Variants in HERC1 observed in about 807,000 individuals in gnomAD.
HERC1 encodes HECT and RLD domain containing E3 ubiquitin protein ligase family member 1, also known as probable E3 ubiquitin-protein ligase HERC1.
Under a neutral mutation model 554.3 loss-of-function variants are expected in HERC1, and 160 were observed. The ratio of observed to expected loss-of-function variants is 0.29; its 90% CI spans 0.25 to 0.33. HERC1 has a LOEUF of 0.33. HERC1 is among the 10% of genes least tolerant of loss of function. The probability of loss-of-function intolerance (pLI) is 1.00; values close to 1 mark genes in which losing one functional copy is unlikely to be tolerated. For missense variants in HERC1, 4,919 were observed against 5,918.5 expected (o/e 0.83, Z 5.54); for synonymous variants, 2,175 against 2,131.7 (o/e 1.02, Z -0.56).
intron 1 of HERC1, among the ~76,000 whole-genome samples, chr15:63,780,912 T>C (rs1312169182): frequency 6.6e-6 from 1 of 152,192 alleles, no homozygotes; most frequent in African/African-American, 2.4e-5. Context: ...ATCTCTGCTA[T>C]AAATTAAATG....
At chr15:63,673,965 T>A (rs2071067990) in intron 38 of HERC1, among the ~76,000 whole-genome samples, 2 of 152,210 alleles carry the variant, frequency 1.3e-5, no homozygotes. Flanking sequence ...CCTCAAGTGA[T>A]CTGCCCACCT....
rs865792846 is a variant in HERC1, at chr15:63,729,379, A to G, written c.3022-11T>C. On this transcript the variant is annotated splice_polypyrimidine_tract_variant and intron_variant, in intron 15 of 77. Transcript: ENST00000443617. ...CACACTGCTTGAGTTCTAAGAAGAA[A>G]AAAAGTTCCTAAATTACTACTTTGA... The G allele has an allele frequency of 1.1e-5, 18 of 1,592,188 alleles. 1 individual carries two copies. In the Middle Eastern group the frequency reaches 2.9e-3, roughly 253 times the overall value.
intron 74 of HERC1, among the ~76,000 whole-genome samples, chr15:63,618,818 ATGTT>A (rs1327707833): frequency 6.6e-6 from 1 of 152,192 alleles, no homozygotes; most frequent in Admixed American, 6.5e-5. Flanking sequence ...GTGTATAAGA[ATGTT>A]TGTGATTTTT....
chr15:63,690,501 A>G, intron 32 of HERC1, 40 bp downstream of exon 32: 2 of 1,375,740 alleles, frequency 1.5e-6, no homozygotes, highest in Non-Finnish European at 2.1e-6. Context: ...TCATTTTGCA[A>G]ATATGGAAAA....
At chr15:63,644,561 TTA>T (rs1299212696) in intron 57 of HERC1, among the ~76,000 whole-genome samples, 1 of 152,200 alleles carries the variant, frequency 6.6e-6, no homozygotes, top group Non-Finnish European at 1.5e-5. Flanking sequence ...CTTCATGAAT[TTA>T]TGTTACTCGC....
rs189983533 is a variant in HERC1, at chr15:63,733,224, C to G, written c.2647-79G>C. On this transcript the variant is annotated intron_variant, in intron 13 of 77. Coordinates refer to ENST00000443617, the MANE Select transcript of HERC1 (RefSeq NM_003922.4). ...AACACAAAAGGATCCCAGAAAAAAA[C>G]TATACTAATCCACTTACTAGCTTAA... is the stretch of plus-strand genomic sequence containing the variant. 565 of 892,922 alleles carry G rather than the reference C, an allele frequency of 6.3e-4. 2 individuals carry two copies. In the African/African-American group the frequency reaches 8.4e-3, roughly 13 times the overall value. 55.3% of individuals were successfully genotyped at this position (892,922 alleles called of 1,614,324 possible).
chr15:63,790,631 C>T (rs1006668634), intron 1 of HERC1, among the ~76,000 whole-genome samples: 1 of 151,958 alleles, frequency 6.6e-6, no homozygotes, highest in Non-Finnish European at 1.5e-5. Flanking sequence ...ATAATAGACA[C>T]CCAAACTCAG....
Position 63,713,448 on chromosome 15 carries a change from T to C in HERC1, c.4368A>G (p.Val1456=). 3 of 1,614,002 alleles carry C rather than the reference T, an allele frequency of 1.9e-6. No homozygotes were observed. Among genetic ancestry groups the C allele is most frequent in the Non-Finnish European group, 2.5e-6 (3 of 1,179,886 alleles). Residue 1456 remains valine, a synonymous_variant, in exon 23 of 78, where the codon GTA becomes GTG. Transcript: ENST00000443617. ...TCTGAAGCTCATCTATCACAGGACT[T>C]ACTCCTAATATTAACAGGGCACACC... The part of the protein sequence containing the change: ...IHRCALLILG[V]SPVIDELQKR...
intron 12 of HERC1, among the ~76,000 whole-genome samples, chr15:63,736,139 G>C (rs2074493865): frequency 6.6e-6 from 1 of 152,108 alleles, no homozygotes. Flanking sequence ...TAAAAGACCT[G>C]AAATGGCTAC....
intron 60 of HERC1, 68 bp from the exon 61 acceptor site, chr15:63,640,513 T>A: frequency 7.9e-7 from 1 of 1,263,226 alleles, no homozygotes; most frequent in Non-Finnish European, 1.1e-6. Flanking sequence ...TAACCTACCG[T>A]AGTCTGAAAG....
chr15:63,789,682 C>A (rs1181107568), intron 1 of HERC1, among the ~76,000 whole-genome samples: 1 of 151,572 alleles, frequency 6.6e-6, no homozygotes, highest in African/African-American at 2.4e-5. Context: ...CCTGTAATCC[C>A]AGGTATTTGG....
At position 63,680,505 on chromosome 15, in the gene HERC1, A is replaced by C; in HGVS notation, c.6465+32T>G. On this transcript the variant is annotated intron_variant, in intron 35 of 77. Transcript: ENST00000443617. This position sits in a 1 kb window ranked among gnomAD's most constrained non-coding sequence, Gnocchi z 5.8. ...GAGTTGACTATAAATAGAAACAAGA[A>C]AAATGTAATGCTTGTGAATGGGTGT... 6.2e-7 allele frequency: 1 copy of C among 1,606,000 alleles called. No individual in the cohort carries two copies. Among genetic ancestry groups the C allele is most frequent in the South Asian group, 1.1e-5 (1 of 89,826 alleles).
chr15:63,693,875 G>T, intron 30 of HERC1, 89 bp downstream of exon 30: 1 of 1,308,538 alleles, frequency 7.6e-7, no homozygotes, highest in Middle Eastern at 1.9e-4. Flanking sequence ...ACCTCATAAG[G>T]AAGAGGAACT....
chr15:63,617,747 C>A (rs2067886410), intron 74 of HERC1, among the ~76,000 whole-genome samples: 1 of 152,178 alleles, frequency 6.6e-6, no homozygotes, highest in Admixed American at 6.6e-5. Context: ...ATTTGCATTT[C>A]TCTGATGGCC....
At chr15:63,707,952 A>C (rs1018279071) in intron 24 of HERC1, among the ~76,000 whole-genome samples, 15 of 149,152 alleles carry the variant, frequency 1.0e-4, no homozygotes, top group Non-Finnish European at 2.2e-4. Context: ...AAAAAAAAAA[A>C]AGAAGAAGTG....
At chr15:63,656,887 T>C (rs1480469414) in intron 48 of HERC1, among the ~76,000 whole-genome samples, 1 of 152,242 alleles carries the variant, frequency 6.6e-6, no homozygotes, top group African/African-American at 2.4e-5. Context: ...CATTGAGCAG[T>C]TCGTTTTCAT....
intron 27 of HERC1, among the ~76,000 whole-genome samples, chr15:63,695,721 T>G (rs528282013): frequency 4.2e-4 from 64 of 152,138 alleles, no homozygotes; most frequent in African/African-American, 1.4e-3. Context: ...ACAAAGCAGT[T>G]TTTCCTGCCT....
chr15:63,758,468 A>G lies in HERC1; in HGVS notation c.1027-99T>C, dbSNP rs2075502684. Reference sequence around the variant, plus strand: ...GAAATTACTGTTGCCTTTCCTTCCAACACTCTCAAATGCTCAAAGAACCTA... The same window carrying G: ...GAAATTACTGTTGCCTTTCCTTCCAGCACTCTCAAATGCTCAAAGAACCTA... On this transcript the variant is annotated intron_variant, in intron 3 of 77. Transcript: ENST00000443617. This position sits in a 1 kb window ranked among gnomAD's most constrained non-coding sequence, Gnocchi z 4.0. 5.4e-6 allele frequency: 4 copies of G among 747,560 alleles called. No individual in the cohort carries two copies. The highest frequency in any genetic ancestry group is 8.5e-6 in the Non-Finnish European group (4 of 473,184). 46.3% of individuals were successfully genotyped at this position (747,560 alleles called of 1,614,324 possible). A position where few individuals can be genotyped will look rare whatever the true frequency, so the allele number is the denominator to read the frequency against.
At chr15:63,682,954 G>T (rs1403913750) in intron 34 of HERC1, among the ~76,000 whole-genome samples, 1 of 151,822 alleles carries the variant, frequency 6.6e-6, no homozygotes, top group Non-Finnish European at 1.5e-5. Context: ...TGGCCAACAT[G>T]GTGAAACCTT....
Sources: allele counts gnomAD v4.1 joint callset (sites outside exome capture counted in the v4.1 genomes callset), GRCh38; gene constraint gnomAD v4.1.1; non-coding constraint Gnocchi (gnomAD v3.1); transcripts MANE v1.5; gene names NCBI Gene and HGNC (gene_info 2026-07-23, HGNC 2026-07-21).